The following SGCD variants were observed in gnomAD, a reference collection of about 807,000 sequenced individuals.
The protein encoded by SGCD is delta-sarcoglycan.
A neutral mutation model predicts 36.6 loss-of-function variants in SGCD; 18 were observed. The ratio of observed to expected loss-of-function variants is 0.49; its 90% confidence interval spans 0.34 to 0.73. The LOEUF is 0.73. Among genes scored for constraint, SGCD ranks in the 30% least tolerant of loss-of-function variants. The probability of loss-of-function intolerance (pLI) is 0.01; values close to 1 mark genes in which losing one functional copy is unlikely to be tolerated. For synonymous variants in SGCD, 133 were observed against 130.6 expected (o/e 1.02, Z -0.12); for missense variants, 387 against 346.7 (o/e 1.12, Z -0.92).
At chr5:156,324,365 C>G (rs1767749313), upstream of SGCD, among the ~76,000 whole-genome samples, 1 of 151,972 alleles carries the variant, frequency 6.6e-6, no homozygotes, top group Admixed American at 6.5e-5. Flanking sequence ...TTTTCAATAG[C>G]AAACTATCTT....
At chr5:155,763,023 A>G in the SGCD span, among the ~76,000 whole-genome samples, 39 of 152,196 alleles carry the variant, frequency 2.6e-4, no homozygotes, top group African/African-American at 9.2e-4. Flanking sequence ...AAAAGACAAT[A>G]TGCTGAGAGC....
chr5:156,087,470 A>G (rs1413032537), intron 1 of SGCD, among the ~76,000 whole-genome samples: 1 of 151,888 alleles, frequency 6.6e-6, no homozygotes, highest in African/African-American at 2.4e-5. Flanking sequence ...GAAATCCCAT[A>G]TCTGCTAAAA....
At chr5:156,234,643 T>C (rs1561577383) in intron 3 of SGCD, among the ~76,000 whole-genome samples, 2 of 152,224 alleles carry the variant, frequency 1.3e-5, no homozygotes, top group Non-Finnish European at 2.9e-5. Flanking sequence ...CACTCGATTC[T>C]ACTTACTTCA....
intron 3 of SGCD, among the ~76,000 whole-genome samples, chr5:156,366,821 GCAAA>G (rs1209450901): frequency 1.3e-5 from 2 of 152,064 alleles, no homozygotes; most frequent in African/African-American, 4.8e-5. Flanking sequence ...GAAAAATCTT[GCAAA>G]CAAAGTCATG....
chr5:156,539,293 C>T (rs185682126), intron 4 of SGCD, among the ~76,000 whole-genome samples: 6 of 151,904 alleles, frequency 3.9e-5, no homozygotes, highest in Admixed American at 3.9e-4. Context: ...TTTGGGAGTA[C>T]AGGTGGTTTG....
intron 1 of SGCD, among the ~76,000 whole-genome samples, chr5:155,895,179 G>C (rs1437051359): frequency 1.3e-5 from 2 of 152,148 alleles, no homozygotes; most frequent in Admixed American, 1.3e-4. Context: ...TACAAAACAA[G>C]GTGCAAGAAC....
chr5:156,088,308 G>A (rs997735398), intron 1 of SGCD, among the ~76,000 whole-genome samples: 1 of 152,042 alleles, frequency 6.6e-6, no homozygotes, highest in East Asian at 1.9e-4. Flanking sequence ...TACATTTATC[G>A]AGAAAGGCTT....
At chr5:155,781,934 G>T in the SGCD span, among the ~76,000 whole-genome samples, 1 of 152,098 alleles carries the variant, frequency 6.6e-6, no homozygotes, top group Non-Finnish European at 1.5e-5. Context: ...CTTGAAACAG[G>T]GGTCTTATGG....
At chr5:155,832,029 C>T in the SGCD span, among the ~76,000 whole-genome samples, 1 of 152,118 alleles carries the variant, frequency 6.6e-6, no homozygotes, top group Admixed American at 6.5e-5. Flanking sequence ...CAAAGGAAAG[C>T]GTATTAACTG....
chr5:155,738,010 A>G, the SGCD span, among the ~76,000 whole-genome samples: 1 of 152,232 alleles, frequency 6.6e-6, no homozygotes, highest in East Asian at 1.9e-4. Context: ...ATCCTGGACG[A>G]GGGAAGAAGC....
intron 3 of SGCD, among the ~76,000 whole-genome samples, chr5:156,354,894 A>G (rs1022397641): frequency 6.6e-6 from 1 of 152,336 alleles, no homozygotes; most frequent in South Asian, 2.1e-4. Context: ...AGAACCAGTA[A>G]ATATGAGTTG....
At chr5:156,257,317 A>T (rs1354624341) in intron 3 of SGCD, among the ~76,000 whole-genome samples, 1 of 151,988 alleles carries the variant, frequency 6.6e-6, no homozygotes, top group Non-Finnish European at 1.5e-5. Flanking sequence ...TACTAAAAAT[A>T]CAAAAAATTA....
intron 3 of SGCD, among the ~76,000 whole-genome samples, chr5:156,450,465 C>G (rs753689822): frequency 7.9e-5 from 12 of 151,192 alleles, no homozygotes; most frequent in Non-Finnish European, 1.6e-4. Flanking sequence ...CATCTAAAGT[C>G]ACTCTACATT....
At chr5:155,835,207 C>G in the SGCD span, among the ~76,000 whole-genome samples, 1 of 151,662 alleles carries the variant, frequency 6.6e-6, no homozygotes, top group Non-Finnish European at 1.5e-5. Context: ...AGGGTTTTGC[C>G]ATGTTGGCCA....
the SGCD span, among the ~76,000 whole-genome samples, chr5:155,753,334 T>TCAAAAAAAAA: frequency 8.1e-5 from 11 of 135,912 alleles, no homozygotes; most frequent in African/African-American, 3.5e-4. Flanking sequence ...AGACTTTGTC[T>TCAAAAAAAAA]AAAAAAAAAA....
At position 156,058,502 on chromosome 5, in the gene SGCD, G is replaced by A. The variant is rs1268593372; in HGVS notation, c.-281-59376G>A. 6.9e-5 allele frequency among the ~76,000 whole-genome samples: 10 copies of A among 145,698 alleles called. 1 individual carries two copies. Among genetic ancestry groups the A allele is most frequent in the Non-Finnish European group, 1.4e-4 (9 of 64,770 alleles). On this transcript the variant is annotated intron_variant, in intron 1 of 9. Coordinates refer to the SGCD transcript ENST00000517913. ...GAGGCTGAGACTCAGCATTTCTAAC[G>A]GGCTTCCAGGAATGCTGCTGGCCCA...
At chr5:156,280,493 A>G (rs1172047228) in intron 3 of SGCD, among the ~76,000 whole-genome samples, 2 of 152,126 alleles carry the variant, frequency 1.3e-5, no homozygotes, top group African/African-American at 4.8e-5. Flanking sequence ...TCCTGATGGC[A>G]TTTTTGTTTC....
intron 1 of SGCD, among the ~76,000 whole-genome samples, chr5:155,937,342 C>T (rs913717856): frequency 4.6e-5 from 7 of 152,196 alleles, no homozygotes; most frequent in Non-Finnish European, 1.0e-4. Flanking sequence ...CATATTGAAG[C>T]GGTGCTGGAG....
rs1225632923 is a variant in SGCD at position 156,759,612 on chromosome 5, T to C, written c.*222T>C. 1 of 159,280 alleles carries C rather than the reference T, an allele frequency of 6.3e-6. No homozygotes were observed. Among genetic ancestry groups the C allele is most frequent in the Non-Finnish European group, 1.4e-5 (1 of 73,720 alleles). 9.9% of individuals were successfully genotyped at this position (159,280 alleles called of 1,614,324 possible). A position where few individuals can be genotyped will look rare whatever the true frequency, so the allele number is the denominator to read the frequency against. ...TATATCCTCTGTATAAAATGAGGTTTCAGTACAAAAGGAACCATGGGTGAC... is the reference window on the plus strand; with the variant it reads ...TATATCCTCTGTATAAAATGAGGTTCCAGTACAAAAGGAACCATGGGTGAC... On this transcript the variant is annotated 3_prime_UTR_variant, in exon 9 of 9. Coordinates refer to ENST00000337851, the MANE Select transcript of SGCD (RefSeq NM_000337.6).
Sources: gnomAD v4.1 joint callset for allele counts (sites outside exome capture counted in the v4.1 genomes callset) on GRCh38, gnomAD v4.1.1 for gene constraint, MANE v1.5 for transcripts, NCBI Gene and HGNC (gene_info 2026-07-23, HGNC 2026-07-21) for gene names.